The following ATP11B variants were observed in gnomAD, a reference collection of about 807,000 sequenced individuals.
ATP11B encodes ATPase phospholipid transporting 11B (putative).
In ATP11B, 81 loss-of-function variants were observed where a neutral mutation model predicts 157.8. The observed-to-expected ratio is 0.51, with a 90% confidence interval of 0.43 to 0.62. The LOEUF (loss-of-function observed/expected upper bound fraction) is 0.62, where lower values mean the gene tolerates loss of function less well. Among genes scored for constraint, ATP11B ranks in the 20% least tolerant of loss-of-function variants. The pLI, the probability that ATP11B is intolerant of heterozygous loss-of-function variation, is 0.00. For missense variants in ATP11B, 1,165 were observed against 1,402.2 expected (o/e 0.83, Z 2.70); for synonymous variants, 451 against 469.4 (o/e 0.96, Z 0.51).
intron 8 of ATP11B, chr3:182,843,887 G>A (rs893948872): frequency 6.6e-6 from 1 of 152,168 alleles, no homozygotes; most frequent in Non-Finnish European, 1.5e-5. Context: ...TTTTTAATAA[G>A]CATTAACATA....
rs140341062 is a variant in ATP11B at position 182,858,428 on chromosome 3, T to A, written c.1002+400T>A. On this transcript the variant is annotated intron_variant, in intron 11 of 29. Transcript: ENST00000323116. ...AGGATGCTTGTTATCAGTCTTAATA[T>A]GAAGTAATATGCAAATTATGTCATA... Among the ~76,000 whole-genome samples, 317 of 152,334 alleles carry A rather than the reference T, an allele frequency of 2.1e-3. 3 individuals are homozygous for A. The highest frequency in any genetic ancestry group is 0.01 in the Middle Eastern group (3 of 294).
At chr3:182,816,636 TGAG>T (rs1203662022) in intron 1 of ATP11B, among the ~76,000 whole-genome samples, 2 of 152,204 alleles carry the variant, frequency 1.3e-5, no homozygotes, top group Admixed American at 1.3e-4. Flanking sequence ...AAGATTCTCT[TGAG>T]GTAGTTTTAA....
intron 28 of ATP11B, among the ~76,000 whole-genome samples, chr3:182,910,073 G>A (rs13060947): frequency 0.3 from 18,508 of 62,102 alleles, 1,701 homozygotes; most frequent in East Asian, 0.39. Context: ...TCGGCCTCCA[G>A]AAAAAAAAAA....
chr3:182,814,224 C>T lies in ATP11B; in HGVS notation c.28-6036C>T, dbSNP rs777372489. 8.6e-5 allele frequency among the ~76,000 whole-genome samples: 13 copies of T among 151,870 alleles called. No individual in the cohort carries two copies. In the South Asian group the frequency reaches 1.0e-3, roughly 12 times the overall value. ...GATTACAGGCACGCACCACCACACC[C>T]GGCTAATTTTTTGTATTTTTAGTAA... On this transcript the variant is annotated intron_variant, in intron 1 of 29. Coordinates refer to ENST00000323116, the MANE Select transcript of ATP11B (RefSeq NM_014616.3).
At chr3:182,914,396 A>G (rs1422683192) in intron 29 of ATP11B, 37 of 986,192 alleles carry the variant, frequency 3.8e-5, no homozygotes, top group Non-Finnish European at 4.3e-5. Flanking sequence ...TCTCAACATA[A>G]CAGTGAAGTC....
intron 1 of ATP11B, among the ~76,000 whole-genome samples, chr3:182,806,351 T>A (rs1286002314): frequency 6.6e-6 from 1 of 152,198 alleles, no homozygotes; most frequent in Non-Finnish European, 1.5e-5. Flanking sequence ...TTTCATATTG[T>A]TTTTCCTGCT....
chr3:182,800,001 T>C (rs1243683862), intron 1 of ATP11B, among the ~76,000 whole-genome samples: 2 of 152,046 alleles, frequency 1.3e-5, no homozygotes, highest in East Asian at 1.9e-4. Context: ...TCCCAGCTAC[T>C]TGGGAGACTG....
chr3:182,836,183 TATCAC>T (rs768445557), intron 5 of ATP11B, 41 bp downstream of exon 5: 3 of 1,579,828 alleles, frequency 1.9e-6, no homozygotes, highest in Admixed American at 3.4e-5. Context: ...TTTATCTTGA[TATCAC>T]AGGACATAAT....
chr3:182,848,351 A>G, intron 9 of ATP11B, 125 bp from the exon 10 acceptor site: 1 of 520,050 alleles, frequency 1.9e-6, no homozygotes, highest in Non-Finnish European at 3.0e-6. Flanking sequence ...AAATACTTAA[A>G]GAAAAGCAAA....
At chr3:182,823,646 G>T (rs992361948) in intron 2 of ATP11B, among the ~76,000 whole-genome samples, 2 of 152,074 alleles carry the variant, frequency 1.3e-5, no homozygotes, top group African/African-American at 4.8e-5. Context: ...TTCCAGTTCT[G>T]TGAAGAAAGT....
At chr3:182,859,511 TAA>T (rs1476345688) in intron 12 of ATP11B, 152 bp downstream of exon 12, 1 of 539,912 alleles carries the variant, frequency 1.9e-6, no homozygotes, top group Non-Finnish European at 3.1e-6. Flanking sequence ...TTTTAAACCC[TAA>T]GTTGTTTCTT....
In ATP11B at chr3:182,896,754, G is replaced by A; in HGVS notation, c.3037G>A (p.Val1013Ile). 6.2e-7 allele frequency: 1 copy of A among 1,612,808 alleles called. No homozygotes were observed. The highest frequency in any genetic ancestry group is 8.5e-7 in the Non-Finnish European group (1 of 1,179,080). Reference protein sequence around the residue: ...TLVFTVMVITVTVKMALETHF... With the variant: ...TLVFTVMVITITVKMALETHF... ...GGTCTTCACAGTCATGGTTATTACA[G>A]TCACAGTAAAGGTATGGTACTGAAA... is the stretch of plus-strand genomic sequence containing the variant. Residue 1013 changes from valine (V) to isoleucine (I), a missense_variant, in exon 26 of 30, where the codon GTC becomes ATC. Coordinates refer to ENST00000323116, the MANE Select transcript of ATP11B (RefSeq NM_014616.3).
intron 28 of ATP11B, among the ~76,000 whole-genome samples, chr3:182,911,247 C>A (rs1318814902): frequency 9.0e-6 from 1 of 111,086 alleles, no homozygotes. Context: ...ATATCTTTTC[C>A]CCCCCATCTC....
Position 182,869,102 on chromosome 3 carries a change from A to G in ATP11B, c.1713A>G (p.Glu571=). The G allele has an allele frequency of 6.2e-7, 1 of 1,610,536 alleles. No homozygotes were observed. Among genetic ancestry groups the G allele is most frequent in the Non-Finnish European group, 8.5e-7 (1 of 1,178,416 alleles). ...LERYKLLHIL[E]FDSDRRRMSV... ...GGTACAAACTGCTTCATATTCTGGAATTTGATTCAGATCGTAGGAGAATGA... is the reference window on the plus strand; with the variant it reads ...GGTACAAACTGCTTCATATTCTGGAGTTTGATTCAGATCGTAGGAGAATGA... Residue 571 remains glutamate, a synonymous_variant, in exon 16 of 30, where the codon GAA becomes GAG. Coordinates refer to ENST00000323116, the MANE Select transcript of ATP11B (RefSeq NM_014616.3).
Position 182,836,009 on chromosome 3 carries a change from A to AT in ATP11B, c.316-20dup, listed in dbSNP as rs758615000. 1.1e-5 allele frequency: 17 copies of AT among 1,555,094 alleles called. 1 individual carries two copies. The highest frequency in any genetic ancestry group is 6.8e-5 in the East Asian group (3 of 44,344). On this transcript the variant is annotated intron_variant, in intron 4 of 29. Transcript: ENST00000323116. Reference sequence around the variant, plus strand: ...TATCTTCAAATTATACTGAAAAATTATTTTTTACCCTTTGGATATTTACAG... The same window carrying AT: ...TATCTTCAAATTATACTGAAAAATTATTTTTTTACCCTTTGGATATTTACAG...
intron 1 of ATP11B, among the ~76,000 whole-genome samples, chr3:182,819,908 A>G (rs766108022): frequency 1.3e-5 from 2 of 152,230 alleles, no homozygotes; most frequent in Non-Finnish European, 2.9e-5. Flanking sequence ...ATACTTCTAT[A>G]GGTCTCCCAT....
chr3:182,808,986 T>C (rs938397298), intron 1 of ATP11B, among the ~76,000 whole-genome samples: 13 of 152,158 alleles, frequency 8.5e-5, no homozygotes, highest in African/African-American at 2.2e-4. Context: ...TTGTTTCCCT[T>C]GCTTTCTTTT....
intron 25 of ATP11B, among the ~76,000 whole-genome samples, chr3:182,895,952 C>T (rs757421654): frequency 3.7e-4 from 57 of 152,156 alleles, no homozygotes; most frequent in Non-Finnish European, 7.8e-4. Context: ...ATGTCCCGAA[C>T]CCCCGTGAAA....
chr3:182,801,202 C>T (rs565280031), intron 1 of ATP11B, among the ~76,000 whole-genome samples: 9 of 152,114 alleles, frequency 5.9e-5, no homozygotes, highest in African/African-American at 2.2e-4. Context: ...TTAGATTGTC[C>T]AAAATTTAGA....
Sources: allele counts gnomAD v4.1 joint callset (sites outside exome capture counted in the v4.1 genomes callset), GRCh38; gene constraint gnomAD v4.1.1; transcripts MANE v1.5; gene names NCBI Gene and HGNC (gene_info 2026-07-23, HGNC 2026-07-21).